Variants in RIMBP2 observed in about 807,000 individuals in gnomAD.
The protein encoded by RIMBP2 is RIMS-binding protein 2.
RIMBP2 carries 48 observed loss-of-function variants against 118.6 expected under a neutral mutation model. The ratio of observed to expected loss-of-function variants is 0.40; its 90% CI spans 0.32 to 0.51. The LOEUF (loss-of-function observed/expected upper bound fraction) is 0.51, where lower values mean the gene tolerates loss of function less well. RIMBP2 is among the 20% of genes least tolerant of loss of function. RIMBP2 has a pLI of 0.41. For missense variants in RIMBP2, 1,551 were observed against 1,768.3 expected, an observed-to-expected ratio of 0.88 and a Z score of 2.20; for synonymous variants, 762 against 742.9, an observed-to-expected ratio of 1.03 and a Z score of -0.42.
intron 1 of RIMBP2, among the ~76,000 whole-genome samples, chr12:130,679,785 A>G (rs2136535705): frequency 6.6e-6 from 1 of 152,414 alleles, no homozygotes; most frequent in African/African-American, 2.4e-5. Flanking sequence ...TCTCTCAAAC[A>G]AAGAAATAAA....
At chr12:130,425,653 C>T (rs1285609304) in intron 15 of RIMBP2, 1 of 152,634 alleles carries the variant, frequency 6.6e-6, no homozygotes. Flanking sequence ...CGTCTGCACG[C>T]CATCACTCTC....
At chr12:130,506,259 T>C (rs1484745354) in intron 4 of RIMBP2, among the ~76,000 whole-genome samples, 1 of 152,114 alleles carries the variant, frequency 6.6e-6, no homozygotes, top group Non-Finnish European at 1.5e-5. Flanking sequence ...ATCCTCTTTA[T>C]AACAAAGGTC....
intron 6 of RIMBP2, among the ~76,000 whole-genome samples, chr12:130,463,327 G>A (rs1476198630): frequency 3.9e-5 from 6 of 152,230 alleles, no homozygotes; most frequent in African/African-American, 9.7e-5. Flanking sequence ...CCTGCTCGGC[G>A]CTAGGGTCTG....
At chr12:130,660,830 G>T (rs1343164260) in intron 1 of RIMBP2, among the ~76,000 whole-genome samples, 1 of 105,102 alleles carries the variant, frequency 9.5e-6, no homozygotes, top group African/African-American at 2.9e-5. Flanking sequence ...AAGTATCACA[G>T]CTGGCGTGTC....
chr12:130,609,247 C>A (rs73156974), intron 2 of RIMBP2, among the ~76,000 whole-genome samples: 3 of 152,056 alleles, frequency 2.0e-5, no homozygotes, highest in East Asian at 1.9e-4. Flanking sequence ...TCTGCCCCCC[C>A]ACGTTTATAC....
chr12:130,565,632 T>C (rs2057160479), intron 2 of RIMBP2, among the ~76,000 whole-genome samples: 1 of 152,240 alleles, frequency 6.6e-6, no homozygotes, highest in Non-Finnish European at 1.5e-5. Context: ...ACTCCGAGAT[T>C]CCTGCTAGTA....
At chr12:130,499,035 G>A (rs1043339465) in intron 4 of RIMBP2, among the ~76,000 whole-genome samples, 1 of 152,228 alleles carries the variant, frequency 6.6e-6, no homozygotes, top group Non-Finnish European at 1.5e-5. Context: ...AGGCATGGCT[G>A]GGGAAACCTC....
At chr12:130,519,969 C>T (rs1326632687) in intron 2 of RIMBP2, among the ~76,000 whole-genome samples, 1 of 152,178 alleles carries the variant, frequency 6.6e-6, no homozygotes, top group Non-Finnish European at 1.5e-5. Context: ...GGCCCCTTCC[C>T]TCCTGAAGGC....
intron 1 of RIMBP2, among the ~76,000 whole-genome samples, chr12:130,676,064 G>T (rs2064448852): frequency 6.6e-6 from 1 of 152,240 alleles, no homozygotes; most frequent in South Asian, 2.1e-4. Flanking sequence ...CATCTGTGAA[G>T]CAGGAGGTGG....
chr12:130,593,288 C>T (rs933846157), intron 2 of RIMBP2, among the ~76,000 whole-genome samples: 1 of 152,246 alleles, frequency 6.6e-6, no homozygotes, highest in Non-Finnish European at 1.5e-5. Flanking sequence ...GTCGTTCACA[C>T]TGCTCTCCCA....
chr12:130,529,771 GT>G (rs989006233), intron 2 of RIMBP2, among the ~76,000 whole-genome samples: 2 of 152,120 alleles, frequency 1.3e-5, no homozygotes, highest in African/African-American at 4.8e-5. Flanking sequence ...GGGGGGAATG[GT>G]TTTGGGATGA....
chr12:130,690,150 C>A (rs926192537), intron 1 of RIMBP2, among the ~76,000 whole-genome samples: 1 of 152,320 alleles, frequency 6.6e-6, no homozygotes, highest in Admixed American at 6.5e-5. Flanking sequence ...CTACCTCTCC[C>A]TTCTGCCACC....
At chr12:130,663,669 C>T (rs1348266714) in intron 1 of RIMBP2, among the ~76,000 whole-genome samples, 2 of 151,698 alleles carry the variant, frequency 1.3e-5, no homozygotes, top group Non-Finnish European at 1.5e-5. Flanking sequence ...CTAGCAGCAC[C>T]GTGACATGGG....
rs888296755 is a variant in RIMBP2 at position 130,424,318 on chromosome 12, TGAG to T, written c.2950_2952del (p.Leu984del). 7.1e-5 allele frequency: 87 copies of T among 1,231,682 alleles called. No individual in the cohort carries two copies. In the African/African-American group the frequency reaches 1.1e-3, roughly 16 times the overall value. The allele number at this position is 1,231,682 out of a possible 1,614,324, so 76.3% of individuals were successfully genotyped here. On this transcript the variant is annotated inframe_deletion, in exon 16 of 23. Transcript: ENST00000690449. The surrounding 1 kb of genome is among the most constrained non-coding windows in gnomAD (Gnocchi z 9.8). ...GGGCCGGGCTGGGGGTCGTCGTTCC[TGAG>T]GAGGCCACCAGGGCCCACCTGCTCC...
intron 14 of RIMBP2, 29 bp from the exon 15 acceptor site, chr12:130,428,366 C>A (rs199813259): frequency 6.3e-6 from 10 of 1,584,610 alleles, no homozygotes; most frequent in African/African-American, 2.7e-5. Flanking sequence ...GGCTACTGAG[C>A]GGGTGGCTCC....
At chr12:130,613,626 C>A (rs1323083367) in intron 2 of RIMBP2, among the ~76,000 whole-genome samples, 1 of 152,044 alleles carries the variant, frequency 6.6e-6, no homozygotes, top group Non-Finnish European at 1.5e-5. Flanking sequence ...TCATCCTGGC[C>A]AACGTGGTGA....
intron 1 of RIMBP2, among the ~76,000 whole-genome samples, chr12:130,637,404 T>G (rs1360493123): frequency 2.0e-5 from 3 of 152,224 alleles, no homozygotes; most frequent in Non-Finnish European, 4.4e-5. Context: ...AATGAATGAA[T>G]GGATGCGTGC....
intron 4 of RIMBP2, among the ~76,000 whole-genome samples, chr12:130,488,522 A>G (rs913958181): frequency 2.6e-5 from 4 of 152,192 alleles, no homozygotes; most frequent in Non-Finnish European, 5.9e-5. Flanking sequence ...TGCTAAATAT[A>G]TCCATCCATC....
chr12:130,610,750 C>T (rs993760231), intron 2 of RIMBP2, among the ~76,000 whole-genome samples: 2 of 151,290 alleles, frequency 1.3e-5, no homozygotes, highest in African/African-American at 2.4e-5. Flanking sequence ...TTAGTAGAGA[C>T]GGGGTTTCAC....
Sources: allele counts gnomAD v4.1 joint callset (sites outside exome capture counted in the v4.1 genomes callset), GRCh38; gene constraint gnomAD v4.1.1; non-coding constraint Gnocchi (gnomAD v3.1); transcripts MANE v1.5; gene names NCBI Gene and HGNC (gene_info 2026-07-23, HGNC 2026-07-21).